Variants in PDK1 observed in about 807,000 individuals in gnomAD.
PDK1 encodes the protein pyruvate dehydrogenase kinase 1, also known as [Pyruvate dehydrogenase (acetyl-transferring)] kinase isozyme 1, mitochondrial.
A neutral mutation model predicts 54.2 loss-of-function variants in PDK1; 39 were observed. The ratio of observed to expected loss-of-function variants is 0.72; its 90% confidence interval spans 0.56 to 0.94. The LOEUF (loss-of-function observed/expected upper bound fraction) is 0.94. PDK1 is among the 40% of genes least tolerant of loss of function. The pLI is 0.00. For missense variants in PDK1, 552 were observed against 566.0 expected (o/e 0.98, Z 0.25); for synonymous variants, 221 against 207.1 (o/e 1.07, Z -0.58).
the PDK1 span, among the ~76,000 whole-genome samples, chr2:172,687,212 C>CT: frequency 6.6e-6 from 1 of 151,924 alleles, no homozygotes; most frequent in African/African-American, 2.4e-5. Flanking sequence ...GGAATCAGGC[C>CT]AATTACTAAT....
chr2:172,581,191 C>T (rs548241583), intron 8 of PDK1, among the ~76,000 whole-genome samples: 3 of 152,258 alleles, frequency 2.0e-5, no homozygotes, highest in Non-Finnish European at 4.4e-5. Flanking sequence ...CTCCCAGGTT[C>T]AAGCGATTCT....
the PDK1 span, among the ~76,000 whole-genome samples, chr2:172,638,580 C>T: frequency 1.6e-4 from 25 of 152,290 alleles, no homozygotes; most frequent in Non-Finnish European, 3.1e-4. Context: ...AATATCTATA[C>T]TTAAATCTTA....
chr2:172,576,736 AT>A (rs1163886113), intron 8 of PDK1, among the ~76,000 whole-genome samples: 1 of 151,958 alleles, frequency 6.6e-6, no homozygotes. Context: ...GGTTAATAGG[AT>A]TGTGTTGTTT....
chr2:172,717,791 A>T, the PDK1 span, among the ~76,000 whole-genome samples: 1 of 152,224 alleles, frequency 6.6e-6, no homozygotes. Context: ...CCTCCTACCC[A>T]AGGACAACCT....
chr2:172,599,572 AC>A lies in PDK1; in HGVS notation c.*3604del, dbSNP rs529951464. On this transcript the variant is annotated 3_prime_UTR_variant, in exon 11 of 11. Transcript: ENST00000282077. ...TCTGGTCCCAATAATTAATTTTCTT[AC>A]AGTCAAACCCAATGCACTTGAAAAA... 8 of 152,294 alleles carry A rather than the reference AC, an allele frequency of 5.3e-5. No homozygotes were observed. The South Asian group carries it at 1.2e-3, about 24-fold the overall frequency. 9.4% of individuals were successfully genotyped at this position (152,294 alleles called of 1,614,324 possible).
the PDK1 span, among the ~76,000 whole-genome samples, chr2:172,620,791 C>A: frequency 2.0e-5 from 3 of 152,170 alleles, no homozygotes; most frequent in African/African-American, 7.2e-5. Flanking sequence ...TCTCCCTTTG[C>A]CTTCCACCAT....
the PDK1 span, among the ~76,000 whole-genome samples, chr2:172,663,961 T>C: frequency 1.1e-5 from 1 of 87,914 alleles, no homozygotes; most frequent in Admixed American, 1.8e-4. Flanking sequence ...TATGCCACCA[T>C]ATGTGGCTTT....
At chr2:172,631,240 T>C in the PDK1 span, among the ~76,000 whole-genome samples, 1 of 152,248 alleles carries the variant, frequency 6.6e-6, no homozygotes, top group Non-Finnish European at 1.5e-5. Context: ...TCTATTTCAT[T>C]CCATCCCATC....
intron 1 of PDK1, among the ~76,000 whole-genome samples, chr2:172,557,874 A>G (rs1219479771): frequency 6.6e-6 from 1 of 152,096 alleles, no homozygotes; most frequent in African/African-American, 2.4e-5. Context: ...TTCTTTTGAG[A>G]CAGGGTTTTA....
chr2:172,682,190 C>T, the PDK1 span, among the ~76,000 whole-genome samples: 1 of 152,340 alleles, frequency 6.6e-6, no homozygotes, highest in East Asian at 1.9e-4. Flanking sequence ...CATATAGAGA[C>T]CCCGAGGTGG....
the PDK1 span, among the ~76,000 whole-genome samples, chr2:172,692,431 AAT>A: frequency 6.6e-6 from 1 of 152,166 alleles, no homozygotes; most frequent in Admixed American, 6.5e-5. Flanking sequence ...CAAGCCACTA[AAT>A]ATGTCTGCAA....
At position 172,595,877 on chromosome 2, in the gene PDK1, G is replaced by T. The variant is rs201826243; in HGVS notation, c.1219G>T (p.Ala407Ser). ...AAGACTCCCAGTGTATAACAAAGCT[G>T]CCTGGAAGCATTACAACACCAACCA... ...IERLPVYNKA[A>S]WKHYNTNHEA... Residue 407 changes from alanine to serine, a missense_variant, in exon 11 of 11, where the codon GCC becomes TCC. Ala to Ser is a moderately conservative substitution (Grantham distance 99). Transcript: ENST00000282077. 6.2e-7 allele frequency: 1 copy of T among 1,613,804 alleles called. No homozygotes were observed. The highest frequency in any genetic ancestry group is 8.5e-7 in the Non-Finnish European group (1 of 1,179,768).
rs1191433041 is a variant in PDK1 at position 172,568,790 on chromosome 2, C to G, written c.819C>G (p.Leu273=). The change falls in exon 7 of 11, where the codon CTC becomes CTG. Residue 273 remains leucine (L), a synonymous_variant. Coordinates refer to ENST00000282077, the MANE Select transcript of PDK1 (RefSeq NM_002610.5). ...AAGTGGTTTATGTACCATCCCATCT[C>G]TATCACATGGTGTTTGAACTTTTCA... ...PIQVVYVPSH[L]YHMVFELFKN... 14 of 1,606,498 alleles carry G rather than the reference C, an allele frequency of 8.7e-6. No homozygotes were observed. Among genetic ancestry groups the G allele is most frequent in the Non-Finnish European group, 1.0e-5 (12 of 1,173,138 alleles).
chr2:172,629,801 C>T, the PDK1 span, among the ~76,000 whole-genome samples: 2 of 152,130 alleles, frequency 1.3e-5, no homozygotes, highest in Admixed American at 6.5e-5. Context: ...GAGTTCTGCT[C>T]CTGCCGATTG....
At chr2:172,592,816 A>T (rs747242005) in intron 9 of PDK1, 119 bp from the exon 10 acceptor site, 4 of 512,636 alleles carry the variant, frequency 7.8e-6, no homozygotes, top group Non-Finnish European at 1.1e-5. Flanking sequence ...ATTAAATATA[A>T]TGCATCTCTC....
intron 8 of PDK1, among the ~76,000 whole-genome samples, chr2:172,580,750 T>C (rs1689859095): frequency 1.3e-5 from 2 of 152,228 alleles, no homozygotes; most frequent in South Asian, 2.1e-4. Flanking sequence ...GGTATGTCCA[T>C]ACAGTGGAAT....
chr2:172,680,344 C>CTTTCT, the PDK1 span, among the ~76,000 whole-genome samples: 1 of 151,920 alleles, frequency 6.6e-6, no homozygotes, highest in East Asian at 1.9e-4. Flanking sequence ...TCCTTTCTTT[C>CTTTCT]TTTCTTTTCT....
At chr2:172,557,293 A>C (rs998118242) in intron 1 of PDK1, among the ~76,000 whole-genome samples, 2 of 152,186 alleles carry the variant, frequency 1.3e-5, no homozygotes. Flanking sequence ...TTCCTTTAGT[A>C]CCTTAATTTC....
At chr2:172,669,205 G>A in the PDK1 span, among the ~76,000 whole-genome samples, 2 of 151,202 alleles carry the variant, frequency 1.3e-5, no homozygotes, top group Admixed American at 6.6e-5. Context: ...GACTACAGGC[G>A]TCTGCCACTA....
Sources: gnomAD v4.1 joint callset for allele counts (sites outside exome capture counted in the v4.1 genomes callset) on GRCh38, gnomAD v4.1.1 for gene constraint, MANE v1.5 for transcripts, NCBI Gene and HGNC (gene_info 2026-07-23, HGNC 2026-07-21) for gene names.